The following NFIA variants were observed in gnomAD, a reference collection of about 807,000 sequenced individuals.
The protein encoded by NFIA is nuclear factor I A.
NFIA carries 8 observed loss-of-function variants against 62.8 expected under a neutral mutation model. The observed-to-expected ratio is 0.13, with a 90% confidence interval of 0.07 to 0.23. The LOEUF is 0.23. Among genes scored for constraint, NFIA ranks in the 10% least tolerant of loss-of-function variants. NFIA has a pLI of 1.00. For synonymous variants in NFIA, 235 were observed against 238.1 expected (o/e 0.99, Z 0.12); for missense variants, 410 against 642.1 (o/e 0.64, Z 3.91).
At chr1:61,371,961 A>G (rs552806199) in intron 6 of NFIA, among the ~76,000 whole-genome samples, 13 of 152,142 alleles carry the variant, frequency 8.5e-5, no homozygotes, top group African/African-American at 2.9e-4. Flanking sequence ...GCAAAAGATG[A>G]TATATAGCTA....
intron 4 of NFIA, among the ~76,000 whole-genome samples, chr1:61,348,338 A>AT (rs1442660144): frequency 6.6e-6 from 1 of 152,246 alleles, no homozygotes; most frequent in African/African-American, 2.4e-5. Context: ...TACTAGGATT[A>AT]TTTAACTCAG....
At chr1:61,095,980 C>T (rs1646404905) in intron 2 of NFIA, among the ~76,000 whole-genome samples, 1 of 151,836 alleles carries the variant, frequency 6.6e-6, no homozygotes, top group Non-Finnish European at 1.5e-5. Flanking sequence ...AAATATATAT[C>T]TATTTCTAAC....
chr1:61,082,380 C>T (rs1002422507), upstream of NFIA: 3 of 685,454 alleles, frequency 4.4e-6, no homozygotes, highest in Non-Finnish European at 5.4e-6. Context: ...CCCTCCCCCC[C>T]GCGGCGGCGG....
chr1:61,428,331 G>A (rs1049921432), intron 10 of NFIA, among the ~76,000 whole-genome samples: 2 of 150,796 alleles, frequency 1.3e-5, no homozygotes, highest in Admixed American at 6.6e-5. Context: ...GATTTTCCAC[G>A]CATCTGGATG....
Position 61,304,730 on chromosome 1 carries a change from G to A in NFIA, c.625+27145G>A, listed in dbSNP as rs540628466. ...CTGGTCCCCCAAAATTTTGTTTATAGTACATACAAATGCTCCCTGAGATAC... is the reference window on the plus strand; with the variant it reads ...CTGGTCCCCCAAAATTTTGTTTATAATACATACAAATGCTCCCTGAGATAC... On this transcript the variant is annotated intron_variant, in intron 3 of 10. Coordinates refer to ENST00000403491, the MANE Select transcript of NFIA (RefSeq NM_001134673.4). Among the ~76,000 whole-genome samples the A allele has an allele frequency of 4.6e-5, 7 of 152,042 alleles. No homozygotes were observed. In the South Asian group the frequency reaches 1.5e-3, roughly 32 times the overall value.
intron 2 of NFIA, among the ~76,000 whole-genome samples, chr1:61,165,326 A>G (rs1649497741): frequency 6.6e-6 from 1 of 152,186 alleles, no homozygotes; most frequent in Non-Finnish European, 1.5e-5. Context: ...CTTTTTATTA[A>G]TATCTGTATA....
rs2147963487 is a variant in NFIA, at chr1:61,461,955, CT to C, written c.*6637del. The C allele has an allele frequency of 7.3e-6, 1 of 137,008 alleles. No homozygotes were observed. The highest frequency in any genetic ancestry group is 7.1e-5 in the Admixed American group (1 of 14,158). 8.5% of individuals were successfully genotyped at this position (137,008 alleles called of 1,614,324 possible). ...AAAAAAGCTTTTATTTTTCCTTTGA[CT>C]TATTTGTGTTGTTCTTATTTTTTAA... On this transcript the variant is annotated 3_prime_UTR_variant, in exon 11 of 11. Transcript: ENST00000403491.
chr1:61,284,429 A>G (rs1658351761), intron 3 of NFIA, among the ~76,000 whole-genome samples: 1 of 152,236 alleles, frequency 6.6e-6, no homozygotes. Context: ...CTCCAGACAA[A>G]GGAAATTCCT....
intron 3 of NFIA, among the ~76,000 whole-genome samples, chr1:61,278,602 A>T (rs924454475): frequency 2.0e-5 from 3 of 151,922 alleles, no homozygotes; most frequent in African/African-American, 7.3e-5. Flanking sequence ...AGCCTGGCCA[A>T]CATGGTGAAA....
At chr1:61,221,054 T>TA (rs1266334544) in intron 2 of NFIA, among the ~76,000 whole-genome samples, 1 of 152,194 alleles carries the variant, frequency 6.6e-6, no homozygotes, top group Non-Finnish European at 1.5e-5. Flanking sequence ...TATTTGATAG[T>TA]AATCCATTTT....
intron 2 of NFIA, among the ~76,000 whole-genome samples, chr1:61,106,328 A>G (rs1160886167): frequency 6.6e-6 from 1 of 151,852 alleles, no homozygotes; most frequent in Non-Finnish European, 1.5e-5. Context: ...AAGACTGGAT[A>G]ATGCATTTTA....
intron 3 of NFIA, among the ~76,000 whole-genome samples, chr1:61,309,444 TC>T (rs1390299164): frequency 6.6e-6 from 1 of 151,442 alleles, no homozygotes; most frequent in Non-Finnish European, 1.5e-5. Context: ...CCCTTCCTCC[TC>T]TAATACTTTT....
At chr1:61,175,020 A>AT (rs1323240807) in intron 2 of NFIA, among the ~76,000 whole-genome samples, 5 of 152,164 alleles carry the variant, frequency 3.3e-5, no homozygotes, top group African/African-American at 1.2e-4. Context: ...AGTGTATAGG[A>AT]TTTAAAAAAA....
At chr1:61,370,672 G>A (rs1663835398) in intron 6 of NFIA, among the ~76,000 whole-genome samples, 1 of 152,092 alleles carries the variant, frequency 6.6e-6, no homozygotes, top group African/African-American at 2.4e-5. Context: ...TTTGTCAAGT[G>A]AGGAATTCTT....
chr1:61,404,060 G>A (rs746679603), intron 7 of NFIA, 44 bp from the exon 8 acceptor site: 1 of 1,602,692 alleles, frequency 6.2e-7, no homozygotes, highest in Non-Finnish European at 8.5e-7. Flanking sequence ...CTATGACAAA[G>A]CAGGTCTTTC....
chr1:61,461,559 G>A lies in NFIA; in HGVS notation c.*6239G>A, dbSNP rs1483047759. 2 of 152,076 alleles carry A rather than the reference G, an allele frequency of 1.3e-5. No homozygotes were observed. The highest frequency in any genetic ancestry group is 6.5e-5 in the Admixed American group (1 of 15,272). 9.4% of individuals were successfully genotyped at this position (152,076 alleles called of 1,614,324 possible). A position where few individuals can be genotyped will look rare whatever the true frequency, so the allele number is the denominator to read the frequency against. On this transcript the variant is annotated 3_prime_UTR_variant, in exon 11 of 11. Transcript: ENST00000403491. ...AGAGTTACCTTTCCCAGATTAGGGG[G>A]ATGGTATGTGGGGAGCAGATAGCGG...
In NFIA at chr1:61,200,064, ATATG is replaced by A. The variant is rs1230644429; in HGVS notation, c.560-77446_560-77443del. ...TATATATATATATATATATATATAT[ATATG>A]TATGTATGTTGAGCTAGAATTATGC... On this transcript the variant is annotated intron_variant, in intron 2 of 10. Coordinates refer to ENST00000403491, the MANE Select transcript of NFIA (RefSeq NM_001134673.4). 3.1e-3 allele frequency among the ~76,000 whole-genome samples: 140 copies of A among 45,146 alleles called. 10 individuals are homozygous for A. The highest frequency in any genetic ancestry group is 0.026 in the East Asian group (16 of 614). The allele number at this position is 45,146 out of a possible 152,430, so 29.6% of individuals were successfully genotyped here. A position where few individuals can be genotyped will look rare whatever the true frequency, so the allele number is the denominator to read the frequency against.
At chr1:61,219,508 A>G (rs1653868133) in intron 2 of NFIA, among the ~76,000 whole-genome samples, 1 of 151,926 alleles carries the variant, frequency 6.6e-6, no homozygotes. Context: ...AGGTCAGGAT[A>G]TCGAGACCCT....
chr1:61,411,664 G>A (rs984141695), intron 9 of NFIA, among the ~76,000 whole-genome samples: 23 of 151,950 alleles, frequency 1.5e-4, no homozygotes, highest in African/African-American at 5.1e-4. Flanking sequence ...TAGTGAGTAC[G>A]AAAGGTACGT....
Sources: gnomAD v4.1 joint callset for allele counts (sites outside exome capture counted in the v4.1 genomes callset) on GRCh38, gnomAD v4.1.1 for gene constraint, MANE v1.5 for transcripts, NCBI Gene and HGNC (gene_info 2026-07-23, HGNC 2026-07-21) for gene names.